The following RNF17 variants were observed in gnomAD, a reference collection of about 807,000 sequenced individuals.
RNF17 encodes spermatogenesis associated 23.
A neutral mutation model predicts 200.5 loss-of-function variants in RNF17; 31 were observed. That is an observed-to-expected ratio of 0.15 (90% CI 0.12 to 0.21). RNF17 has a LOEUF of 0.21. RNF17 is among the 10% of genes least tolerant of loss of function. The pLI is 1.00. For synonymous variants in RNF17, 606 were observed against 637.8 expected (o/e 0.95, Z 0.75); for missense variants, 1,628 against 1,905.1 (o/e 0.85, Z 2.71).
chr13:24,857,248 A>G (rs775151392), intron 25 of RNF17, among the ~76,000 whole-genome samples: 3 of 152,212 alleles, frequency 2.0e-5, no homozygotes, highest in African/African-American at 4.8e-5. Context: ...CATGATTTCA[A>G]TATTTTTGTG....
At chr13:24,770,382 T>G (rs566532853) in intron 2 of RNF17, among the ~76,000 whole-genome samples, 2 of 152,302 alleles carry the variant, frequency 1.3e-5, no homozygotes, top group Admixed American at 6.5e-5. Flanking sequence ...TTAAGAGTCT[T>G]TCTGCAGTTT....
At position 24,850,389 on chromosome 13, in the gene RNF17, T is replaced by G. The variant is rs966917964; in HGVS notation, c.3150T>G (p.Leu1050=). The change falls in exon 23 of 36, where the codon CTT becomes CTG. Residue 1050 remains leucine (L), a synonymous_variant. Coordinates refer to ENST00000255324, the MANE Select transcript of RNF17 (RefSeq NM_031277.3). ...DKWTATACDC[L]SLYLTGAVAT... is the part of the protein sequence containing the mutation. Reference sequence around the variant, plus strand: ...GGACAGCAACAGCTTGTGACTGTCTTTCATTGTACCTGACTGGAGCTGTAG... The same window carrying G: ...GGACAGCAACAGCTTGTGACTGTCTGTCATTGTACCTGACTGGAGCTGTAG... 2 of 1,613,788 alleles carry G rather than the reference T, an allele frequency of 1.2e-6. No individual in the cohort carries two copies. Among genetic ancestry groups the G allele is most frequent in the Non-Finnish European group, 1.7e-6 (2 of 1,179,868 alleles).
intron 31 of RNF17, 140 bp downstream of exon 31, chr13:24,868,856 A>G (rs1009852450): frequency 2.4e-5 from 15 of 627,270 alleles, no homozygotes; most frequent in Middle Eastern, 4.0e-4. Flanking sequence ...GCCCCACCCT[A>G]TAATATCCTC....
In RNF17 at chr13:24,836,178, C is replaced by T. The variant is rs373291692; in HGVS notation, c.2482+4200C>T. ...TTAAACGACCAAACCATAGACTTCTCTTCTTCCTCAGGAAAACATATTTGG... is the reference window on the plus strand; with the variant it reads ...TTAAACGACCAAACCATAGACTTCTTTTCTTCCTCAGGAAAACATATTTGG... On this transcript the variant is annotated intron_variant, in intron 18 of 35. Coordinates refer to ENST00000255324, the MANE Select transcript of RNF17 (RefSeq NM_031277.3). Among the ~76,000 whole-genome samples, 11 of 152,364 alleles carry T rather than the reference C, an allele frequency of 7.2e-5. No individual in the cohort carries two copies. The South Asian group carries it at 1.0e-3, about 14-fold the overall frequency.
chr13:24,848,286 T>G (rs1369738027), intron 22 of RNF17, among the ~76,000 whole-genome samples: 1 of 152,198 alleles, frequency 6.6e-6, no homozygotes, highest in Admixed American at 6.5e-5. Context: ...TCCCTTTTAA[T>G]AGATTGTTCT....
intron 13 of RNF17, 28 bp from the exon 14 acceptor site, chr13:24,802,353 T>G (rs755290746): frequency 5.8e-6 from 9 of 1,562,136 alleles, no homozygotes; most frequent in Non-Finnish European, 7.8e-6. Flanking sequence ...TACAATTAAT[T>G]ACTATGGAAT....
intron 22 of RNF17, among the ~76,000 whole-genome samples, chr13:24,848,561 C>T (rs1891503312): frequency 6.6e-6 from 1 of 152,054 alleles, no homozygotes; most frequent in Non-Finnish European, 1.5e-5. Flanking sequence ...ACTTGGGAGG[C>T]TGAGGTAGGG....
rs760828716 is a variant in RNF17, at chr13:24,853,869, A to G, written c.3335A>G (p.Asp1112Gly). Residue 1112 changes from aspartate (D) to glycine (G), a missense_variant, in exon 25 of 36, where the codon GAT (aspartate) becomes GGT (glycine). Asp to Gly is a moderately conservative substitution (Grantham distance 94, BLOSUM62 -1). Around this residue, in one of 5 missense-constraint regions of RNF17, gnomAD observed 609 missense variants for 681.9 expected, o/e 0.89. Transcript: ENST00000255324. ...GGATGTTACAGAATTAATAACTTAG[A>G]TAACAGCCATTCATTATCTGAGAAG... is the stretch of plus-strand genomic sequence containing the variant. The part of the protein sequence containing the change: ...ALRERRINNL[D>G]NSHSLSEKSL... The G allele has an allele frequency of 8.7e-6, 14 of 1,605,670 alleles. No homozygotes were observed. In the African/African-American group the frequency reaches 1.9e-4, roughly 22 times the overall value.
At chr13:24,885,340 G>A in the RNF17 span, 10 of 1,613,722 alleles carry the variant, frequency 6.2e-6, no homozygotes, top group Non-Finnish European at 8.5e-6. Context: ...TTTATATTCA[G>A]GATCTGGGAA....
chr13:24,854,712 AGATGGGATCCCAAAG>A (rs1465751319), intron 25 of RNF17, among the ~76,000 whole-genome samples: 2 of 152,232 alleles, frequency 1.3e-5, no homozygotes, highest in African/African-American at 4.8e-5. Context: ...CCTCATGTGA[AGATGGGATCCCAAAG>A]GATGACTCCC....
intron 15 of RNF17, among the ~76,000 whole-genome samples, chr13:24,820,646 G>A (rs572200795): frequency 6.6e-6 from 1 of 152,080 alleles, no homozygotes; most frequent in East Asian, 1.9e-4. Context: ...ATGTTGGCCA[G>A]GCTGATCTCA....
At chr13:24,791,403 G>A (rs1883837566) in intron 9 of RNF17, among the ~76,000 whole-genome samples, 1 of 152,134 alleles carries the variant, frequency 6.6e-6, no homozygotes, top group Non-Finnish European at 1.5e-5. Flanking sequence ...TCGATGGATT[G>A]TGGTATTCAT....
At chr13:24,817,962 T>C (rs969852366) in intron 15 of RNF17, among the ~76,000 whole-genome samples, 3 of 152,096 alleles carry the variant, frequency 2.0e-5, no homozygotes, top group Non-Finnish European at 4.4e-5. Flanking sequence ...TTTTCTCTTT[T>C]TCTGTTGTCT....
the RNF17 span, among the ~76,000 whole-genome samples, chr13:24,757,350 G>A: frequency 1.4e-5 from 2 of 147,966 alleles, no homozygotes; most frequent in Non-Finnish European, 3.0e-5. Context: ...TTGAGGTGGA[G>A]TTTCACTCTG....
chr13:24,869,519 A>G (rs1357196620), intron 31 of RNF17, among the ~76,000 whole-genome samples: 1 of 152,232 alleles, frequency 6.6e-6, no homozygotes, highest in Non-Finnish European at 1.5e-5. Flanking sequence ...ACTCTAGCTC[A>G]GGCTCTCAGG....
At chr13:24,862,633 T>TAA in intron 27 of RNF17, 80 bp from the exon 28 acceptor site, 1 of 823,544 alleles carries the variant, frequency 1.2e-6, no homozygotes. Context: ...TGTTTATGGC[T>TAA]ACTTTTGTGT....
At chr13:24,851,389 T>C in intron 23 of RNF17, 67 bp from the exon 24 acceptor site, 1 of 1,055,122 alleles carries the variant, frequency 9.5e-7, no homozygotes, top group Non-Finnish European at 1.4e-6. Flanking sequence ...GCCTGTGAAA[T>C]GCACATTGTT....
At chr13:24,849,734 A>G (rs943139576) in intron 22 of RNF17, among the ~76,000 whole-genome samples, 1 of 152,252 alleles carries the variant, frequency 6.6e-6, no homozygotes, top group African/African-American at 2.4e-5. Flanking sequence ...TTAAAACTGT[A>G]TTACCACATC....
chr13:24,782,610 G>GT (rs201928427), intron 6 of RNF17, among the ~76,000 whole-genome samples: 336 of 151,744 alleles, frequency 2.2e-3, no homozygotes, highest in South Asian at 7.5e-3. Flanking sequence ...TGAGATGGGG[G>GT]GGGGATCTTT....
Sources: gnomAD v4.1 joint callset for allele counts (sites outside exome capture counted in the v4.1 genomes callset) on GRCh38, gnomAD v4.1.1 for gene constraint, gnomAD v4.1.1 regional missense constraint, MANE v1.5 for transcripts, NCBI Gene and HGNC (gene_info 2026-07-23, HGNC 2026-07-21) for gene names.